The following OR5AN1 variants were observed in gnomAD, a reference collection of about 807,000 sequenced individuals.
OR5AN1 encodes the protein olfactory receptor 5AN1.
For missense variants in OR5AN1, 476 were observed against 368.9 expected (o/e 1.29, Z -2.38); for synonymous variants, 167 against 131.8 (o/e 1.27, Z -1.83).
chr11:59,368,534 G>C lies in OR5AN1; in HGVS notation c.*3140G>C, dbSNP rs990756125. ...TCTAATAATCTGTAGTCAACCCAAG[G>C]AGAAGAGGCTGGTCTGTCTCCCACG... On this transcript the variant is annotated 3_prime_UTR_variant, in exon 2 of 2. Coordinates refer to ENST00000641998, the MANE Select transcript of OR5AN1 (RefSeq NM_001004729.2). The C allele has an allele frequency of 2.0e-5, 3 of 152,330 alleles. No homozygotes were observed. The highest frequency in any genetic ancestry group is 4.4e-5 in the Non-Finnish European group (3 of 68,170). 9.4% of individuals were successfully genotyped at this position (152,330 alleles called of 1,614,324 possible). A position where few individuals can be genotyped will look rare whatever the true frequency, so the allele number is the denominator to read the frequency against.
chr11:59,360,354 A>G (rs534333431), intron 1 of OR5AN1, among the ~76,000 whole-genome samples: 1 of 152,290 alleles, frequency 6.6e-6, no homozygotes, highest in African/African-American at 2.4e-5. Context: ...CATTAAATCT[A>G]ACTCACCTTG....
At position 59,368,054 on chromosome 11, in the gene OR5AN1, G is replaced by A. The variant is rs149094300; in HGVS notation, c.*2660G>A. On this transcript the variant is annotated 3_prime_UTR_variant, in exon 2 of 2. Transcript: ENST00000641998. ...TTCCTAATCCTGTTCCTCCTCACTGGGTGGAACCTCTCAACTAGGCTCTCC... is the reference window on the plus strand; with the variant it reads ...TTCCTAATCCTGTTCCTCCTCACTGAGTGGAACCTCTCAACTAGGCTCTCC... 4.6e-5 allele frequency: 7 copies of A among 152,366 alleles called. No homozygotes were observed. The highest frequency in any genetic ancestry group is 2.1e-4 in the South Asian group (1 of 4,818). 9.4% of individuals were successfully genotyped at this position (152,366 alleles called of 1,614,324 possible). A position where few individuals can be genotyped will look rare whatever the true frequency, so the allele number is the denominator to read the frequency against.
rs981661842 is a variant in OR5AN1 at position 59,368,287 on chromosome 11, C to T, written c.*2893C>T. ...CTATGGAAAAGTGGCCAGAGTGTTTCGTGGGTTTCCATTCCCATATCTTCT... is the reference window on the plus strand; with the variant it reads ...CTATGGAAAAGTGGCCAGAGTGTTTTGTGGGTTTCCATTCCCATATCTTCT... On this transcript the variant is annotated 3_prime_UTR_variant, in exon 2 of 2. Coordinates refer to ENST00000641998, the MANE Select transcript of OR5AN1 (RefSeq NM_001004729.2). 5 of 152,264 alleles carry T rather than the reference C, an allele frequency of 3.3e-5. No individual in the cohort carries two copies. Among genetic ancestry groups the T allele is most frequent in the Admixed American group, 6.5e-5 (1 of 15,274 alleles). 9.4% of individuals were successfully genotyped at this position (152,264 alleles called of 1,614,324 possible).
rs200690582 is a variant in OR5AN1, at chr11:59,365,092, G to A, written c.634G>A (p.Ala212Thr). The A allele has an allele frequency of 3.9e-4, 636 of 1,614,094 alleles. 6 individuals carry two copies. The South Asian group carries it at 6.2e-3, about 16-fold the overall frequency. Residue 212 changes from alanine (A) to threonine (T), a missense_variant, in exon 2 of 2, where the codon GCC becomes ACC. Ala to Thr is a moderately conservative substitution (Grantham distance 58). Transcript: ENST00000641998. ...AACCATGTTCTTTGGGATAGCAAGTGCCCTAGTTATCATGATATCCTATGG... is the reference window on the plus strand; with the variant it reads ...AACCATGTTCTTTGGGATAGCAAGTACCCTAGTTATCATGATATCCTATGG... Reference protein sequence around the residue: ...ILTMFFGIASALVIMISYGYI... With the variant: ...ILTMFFGIASTLVIMISYGYI...
chr11:59,361,716 A>C (rs1857464649), intron 1 of OR5AN1, among the ~76,000 whole-genome samples: 1 of 152,226 alleles, frequency 6.6e-6, no homozygotes, highest in African/African-American at 2.4e-5. Flanking sequence ...AACATCGCAC[A>C]GCCTGCAAGT....
chr11:59,364,258 A>T (rs897824512), intron 1 of OR5AN1, among the ~76,000 whole-genome samples, 188 bp from the exon 2 acceptor site: 7 of 152,242 alleles, frequency 4.6e-5, no homozygotes, highest in Non-Finnish European at 1.0e-4. Context: ...GAATTAATCA[A>T]GAACCTGAAG....
chr11:59,361,558 G>T (rs115350315), intron 1 of OR5AN1, among the ~76,000 whole-genome samples: 2,660 of 152,276 alleles, frequency 0.017, 77 homozygotes, highest in African/African-American at 0.061. Flanking sequence ...TGGGATTATA[G>T]GTCTGAGCCA....
chr11:59,360,249 T>C (rs993109054), intron 1 of OR5AN1, among the ~76,000 whole-genome samples: 2 of 152,184 alleles, frequency 1.3e-5, no homozygotes, highest in Non-Finnish European at 1.5e-5. Flanking sequence ...GTGCAACCAA[T>C]TGATCAACAA....
At chr11:59,362,243 A>G (rs1290065757) in intron 1 of OR5AN1, among the ~76,000 whole-genome samples, 2 of 152,132 alleles carry the variant, frequency 1.3e-5, no homozygotes, top group Non-Finnish European at 2.9e-5. Flanking sequence ...ACTGTCTTTC[A>G]AATATGCTTT....
In OR5AN1 at chr11:59,365,281, G is replaced by C. The variant is rs778642391; in HGVS notation, c.823G>C (p.Ala275Pro). 1.2e-6 allele frequency: 2 copies of C among 1,611,754 alleles called. No homozygotes were observed. The highest frequency in any genetic ancestry group is 2.2e-5 in the South Asian group (2 of 91,034). Residue 275 changes from alanine to proline, a missense_variant, in exon 2 of 2, where the codon GCA becomes CCA. Ala to Pro is a conservative substitution (Grantham distance 27). Coordinates refer to ENST00000641998, the MANE Select transcript of OR5AN1 (RefSeq NM_001004729.2). ...AGGTTCTTCAAGCTTTGACAGATTT[G>C]CATCTGTTTTCTACACTGTGGTCAT... ...SGGSSSFDRF[A>P]SVFYTVVIPM...
intron 1 of OR5AN1, among the ~76,000 whole-genome samples, chr11:59,360,459 A>G (rs1049592281): frequency 1.3e-5 from 2 of 151,754 alleles, no homozygotes; most frequent in Non-Finnish European, 2.9e-5. Context: ...GTACTTGTGC[A>G]TGATGTTCAG....
chr11:59,363,789 G>A (rs550393958), intron 1 of OR5AN1, among the ~76,000 whole-genome samples: 1 of 152,268 alleles, frequency 6.6e-6, no homozygotes, highest in East Asian at 1.9e-4. Context: ...TTGAAACAGA[G>A]TCTCACTCTG....
chr11:59,368,121 C>A lies in OR5AN1; in HGVS notation c.*2727C>A, dbSNP rs1039197360. ...TGCTTTGGGCCACCAAAACTGCATA[C>A]CTCCCTGGGACAAAGCTCTCAGAGG... On this transcript the variant is annotated 3_prime_UTR_variant, in exon 2 of 2. Coordinates refer to ENST00000641998, the MANE Select transcript of OR5AN1 (RefSeq NM_001004729.2). 38 of 152,460 alleles carry A rather than the reference C, an allele frequency of 2.5e-4. No homozygotes were observed. The highest frequency in any genetic ancestry group is 9.1e-4 in the African/African-American group (38 of 41,572). 9.4% of individuals were successfully genotyped at this position (152,460 alleles called of 1,614,324 possible). A position where few individuals can be genotyped will look rare whatever the true frequency, so the allele number is the denominator to read the frequency against.
At position 59,358,904 on chromosome 11, in the gene OR5AN1, G is replaced by A. The variant is rs1857434613; in HGVS notation, c.-382G>A. On this transcript the variant is annotated 5_prime_UTR_variant, in exon 1 of 2. Coordinates refer to ENST00000641998, the MANE Select transcript of OR5AN1 (RefSeq NM_001004729.2). ...ATCCCCACTTGAGGCCATCTCTCTT[G>A]CTGTGAGTGGACAGCCAATTTTGTG... 6.6e-6 allele frequency: 1 copy of A among 152,146 alleles called. No individual in the cohort carries two copies. The highest frequency in any genetic ancestry group is 1.5e-5 in the Non-Finnish European group (1 of 68,034). The allele number at this position is 152,146 out of a possible 1,614,324, so 9.4% of individuals were successfully genotyped here. A position where few individuals can be genotyped will look rare whatever the true frequency, so the allele number is the denominator to read the frequency against.
Position 59,365,208 on chromosome 11 carries a change from C to T in OR5AN1, c.750C>T (p.Ser250=). The change falls in exon 2 of 2, where the codon TCC becomes TCT. Residue 250 remains serine (S), a synonymous_variant. Transcript: ENST00000641998. The part of the protein sequence containing the change: ...NTCASHLTAV[S]LFYTSGIFVY... ...GTGCTTCTCATCTAACAGCTGTTTC[C>T]CTCTTCTATACATCAGGAATCTTTG... 3.1e-6 allele frequency: 5 copies of T among 1,614,068 alleles called. No individual in the cohort carries two copies. The highest frequency in any genetic ancestry group is 4.2e-6 in the Non-Finnish European group (5 of 1,179,970).
rs767295885 is a variant in OR5AN1, at chr11:59,364,779, G to A, written c.321G>A (p.Thr107=). 2.1e-5 allele frequency: 34 copies of A among 1,613,930 alleles called. No individual in the cohort carries two copies. Among genetic ancestry groups the A allele is most frequent in the Admixed American group, 3.3e-5 (2 of 60,004 alleles). ...GCIIQYFIFS[T]MGLSESCLMT... Reference sequence around the variant, plus strand: ...TTATTCAGTACTTTATCTTTTCAACGATGGGACTGAGTGAGTCTTGTCTCA... The same window carrying A: ...TTATTCAGTACTTTATCTTTTCAACAATGGGACTGAGTGAGTCTTGTCTCA... The change falls in exon 2 of 2, where the codon ACG becomes ACA. Residue 107 remains threonine, a synonymous_variant. Transcript: ENST00000641998.
chr11:59,362,592 T>C (rs950916433), intron 1 of OR5AN1, among the ~76,000 whole-genome samples: 8 of 152,248 alleles, frequency 5.3e-5, no homozygotes, highest in Non-Finnish European at 1.0e-4. Context: ...TACTTTTTAA[T>C]ATCTGAAAGT....
rs999904639 is a variant in OR5AN1 at position 59,368,877 on chromosome 11, G to C, written c.*3483G>C. ...GGAAACCACACGTTCTGAGCACTGA[G>C]AGGGAACACAGCTGCAAATGTGAGG... On this transcript the variant is annotated 3_prime_UTR_variant, in exon 2 of 2. Transcript: ENST00000641998. 5 of 152,310 alleles carry C rather than the reference G, an allele frequency of 3.3e-5. No homozygotes were observed. The highest frequency in any genetic ancestry group is 1.2e-4 in the African/African-American group (5 of 41,458). 9.4% of individuals were successfully genotyped at this position (152,310 alleles called of 1,614,324 possible). A position where few individuals can be genotyped will look rare whatever the true frequency, so the allele number is the denominator to read the frequency against.
At position 59,364,487 on chromosome 11, in the gene OR5AN1, T is replaced by C. The variant is rs1857499973; in HGVS notation, c.29T>C (p.Ile10Thr). The change falls in exon 2 of 2, where the codon ATC becomes ACC. Residue 10 changes from isoleucine (I) to threonine (T), a missense_variant. Coordinates refer to ENST00000641998, the MANE Select transcript of OR5AN1 (RefSeq NM_001004729.2). Reference protein sequence around the residue: MTGGGNITEITYFILLGFSD... With the variant: MTGGGNITETTYFILLGFSD... ...ACTGGGGGAGGAAATATTACAGAAA[T>C]CACCTATTTCATCCTGCTGGGATTC... is the stretch of plus-strand genomic sequence containing the variant. 2 of 1,611,948 alleles carry C rather than the reference T, an allele frequency of 1.2e-6. No individual in the cohort carries two copies. The highest frequency in any genetic ancestry group is 1.7e-6 in the Non-Finnish European group (2 of 1,179,002).
Sources: allele counts gnomAD v4.1 joint callset (sites outside exome capture counted in the v4.1 genomes callset), GRCh38; gene constraint gnomAD v4.1.1; transcripts MANE v1.5; gene names NCBI Gene and HGNC (gene_info 2026-07-23, HGNC 2026-07-21).